Variants in TEX11 observed in about 807,000 individuals in gnomAD.
TEX11 encodes testis-expressed protein 11.
Under a neutral mutation model 84.4 loss-of-function variants are expected in TEX11, and 7 were observed. The ratio of observed to expected loss-of-function variants is 0.08; its 90% CI spans 0.05 to 0.16. The LOEUF (loss-of-function observed/expected upper bound fraction) is 0.16, where lower values mean the gene tolerates loss of function less well. Ranked by LOEUF, TEX11 falls within the 10% of genes least tolerant of loss-of-function variation. TEX11 has a pLI of 1.00. For missense variants in TEX11, 551 were observed against 660.5 expected (o/e 0.83, Z 1.82); for synonymous variants, 264 against 222.8 (o/e 1.18, Z -1.64).
Position 70,740,753 on chromosome X carries a change from T to C in TEX11, c.791A>G (p.Asp264Gly). 8.4e-7 allele frequency: 1 copy of C among 1,196,829 alleles called. No homozygotes were observed. The highest frequency in any genetic ancestry group is 1.1e-6 in the Non-Finnish European group (1 of 887,581). The part of the protein sequence containing the change: ...RLLATNYLDW[D>G]DTKYYDKALN... ...AGCCTTATCATAATATTTGGTGTCA[T>C]CCCAATCCAAATAATTCGTGGCTAA... is the stretch of plus-strand genomic sequence containing the variant. The change falls in exon 11 of 30, where the codon GAT becomes GGT. Residue 264 changes from aspartate to glycine, a missense_variant. Asp to Gly is a moderately conservative substitution (Grantham distance 94). Coordinates refer to ENST00000374333, the MANE Select transcript of TEX11 (RefSeq NM_031276.3).
intron 7 of TEX11, among the ~76,000 whole-genome samples, chrX:70,835,708 G>A (rs1470377727): frequency 8.9e-6 from 1 of 112,435 alleles, no homozygotes; most frequent in Non-Finnish European, 1.9e-5. Flanking sequence ...GGACAGTAAT[G>A]TCTACAATAT....
At chrX:70,554,510 G>C in intron 26 of TEX11, 141 bp downstream of exon 26, 1 of 476,035 alleles carries the variant, frequency 2.1e-6, no homozygotes, top group Admixed American at 4.6e-5. Flanking sequence ...GTCTAAGAAT[G>C]GCATTAGAGA....
chrX:70,886,469 G>T (rs1197119022), intron 2 of TEX11, among the ~76,000 whole-genome samples: 1 of 111,196 alleles, frequency 9.0e-6, no homozygotes, highest in African/African-American at 3.3e-5. Context: ...TAAGCAACGG[G>T]CATAATGTTT....
chrX:70,743,067 A>G (rs1183413234), intron 10 of TEX11, among the ~76,000 whole-genome samples: 1 of 111,743 alleles, frequency 8.9e-6, no homozygotes, highest in East Asian at 2.8e-4. Flanking sequence ...CCTACCCCCT[A>G]AAACCACCAT....
At chrX:70,679,528 A>G (rs1165782530) in intron 14 of TEX11, among the ~76,000 whole-genome samples, 3 of 104,390 alleles carry the variant, frequency 2.9e-5, no homozygotes, top group Non-Finnish European at 4.0e-5. Context: ...CCATCTGGGA[A>G]GTGAGGAGCG....
intron 9 of TEX11, among the ~76,000 whole-genome samples, chrX:70,790,523 T>C (rs904101007): frequency 2.7e-5 from 3 of 111,047 alleles, no homozygotes; most frequent in African/African-American, 9.8e-5. Context: ...GCCAGGAGAG[T>C]AGACAGAGGC....
At chrX:70,570,200 C>T (rs1347022677) in intron 25 of TEX11, among the ~76,000 whole-genome samples, 1 of 111,826 alleles carries the variant, frequency 8.9e-6, no homozygotes, top group Non-Finnish European at 1.9e-5. Flanking sequence ...GGGCATAGGA[C>T]CCTACGAGCC....
At chrX:70,814,071 T>C (rs1235441552) in intron 8 of TEX11, among the ~76,000 whole-genome samples, 1 of 111,643 alleles carries the variant, frequency 9.0e-6, no homozygotes, top group Non-Finnish European at 1.9e-5. Context: ...AAGCTACCAA[T>C]GACTTTCTTC....
In TEX11 at chrX:70,553,375, G is replaced by A. The variant is rs1298024192; in HGVS notation, c.2330C>T (p.Ala777Val). The A allele has an allele frequency of 8.3e-7, 1 of 1,208,067 alleles. No individual in the cohort carries two copies. The highest frequency in any genetic ancestry group is 1.1e-6 in the Non-Finnish European group (1 of 893,362). The change falls in exon 27 of 30, where the codon GCT becomes GTT. Residue 777 changes from alanine to valine, a missense_variant. Transcript: ENST00000374333. ...MEKPAHYPLI[A>V]LKALKKALLL... ...TAAAGCCTTTTTCAAGGCCTTGAGA[G>A]CAATCAAAGGATAGTGTGCAGGCTT...
At chrX:70,897,926 A>G (rs1185793320) in intron 2 of TEX11, among the ~76,000 whole-genome samples, 2 of 111,717 alleles carry the variant, frequency 1.8e-5, no homozygotes, top group East Asian at 5.6e-4. Context: ...TGATTAAAAT[A>G]AAGCATGGAG....
intron 17 of TEX11, among the ~76,000 whole-genome samples, chrX:70,641,816 G>C (rs1363843320): frequency 9.1e-6 from 1 of 110,337 alleles, no homozygotes; most frequent in African/African-American, 3.3e-5. Context: ...AGAGAAAGCA[G>C]GAAAGATCCA....
intron 9 of TEX11, among the ~76,000 whole-genome samples, chrX:70,797,618 C>T (rs2091163015): frequency 9.2e-6 from 1 of 108,335 alleles, no homozygotes; most frequent in Non-Finnish European, 1.9e-5. Flanking sequence ...TGAAAAAATC[C>T]TTAACAAAAT....
chrX:70,788,685 AACACACACACAC>A (rs753573687), intron 9 of TEX11, among the ~76,000 whole-genome samples: 39 of 69,454 alleles, frequency 5.6e-4, no homozygotes, highest in Middle Eastern at 7.6e-3. Flanking sequence ...TCTCTTGGGA[AACACACACACAC>A]ACACACACAC....
intron 25 of TEX11, among the ~76,000 whole-genome samples, chrX:70,566,300 T>C (rs1462315587): frequency 9.9e-6 from 1 of 100,900 alleles, no homozygotes; most frequent in Non-Finnish European, 2.0e-5. Flanking sequence ...TAAGGAGATT[T>C]TGGGCTGAGA....
chrX:70,599,676 CA>C (rs1269187135), intron 24 of TEX11, among the ~76,000 whole-genome samples: 2 of 80,697 alleles, frequency 2.5e-5, no homozygotes, highest in South Asian at 1.1e-3. Context: ...CCCCTCCCCC[CA>C]CCCCACAACA....
chrX:70,886,033 G>A (rs1226219618), intron 2 of TEX11, among the ~76,000 whole-genome samples: 1 of 111,207 alleles, frequency 9.0e-6, no homozygotes, highest in African/African-American at 3.3e-5. Context: ...ACAGTATGAA[G>A]GTTCTTCAAA....
At chrX:70,887,410 T>A (rs2091715312) in intron 2 of TEX11, among the ~76,000 whole-genome samples, 1 of 111,811 alleles carries the variant, frequency 8.9e-6, no homozygotes, top group Admixed American at 9.5e-5. Context: ...CCTTGGGCCT[T>A]AAGTAAACAT....
At chrX:70,665,728 G>A (rs933782994) in intron 16 of TEX11, among the ~76,000 whole-genome samples, 5 of 111,684 alleles carry the variant, frequency 4.5e-5, no homozygotes, top group Non-Finnish European at 7.5e-5. Flanking sequence ...AACTCCATTG[G>A]CCTGCCCAAA....
At chrX:70,701,537 T>A (rs890367233) in intron 13 of TEX11, among the ~76,000 whole-genome samples, 5 of 112,216 alleles carry the variant, frequency 4.5e-5, no homozygotes, top group Non-Finnish European at 9.4e-5. Context: ...CTAAGGGAGA[T>A]GCAGAGGGAG....
Sources: gnomAD v4.1 joint callset for allele counts (sites outside exome capture counted in the v4.1 genomes callset) on GRCh38, gnomAD v4.1.1 for gene constraint, MANE v1.5 for transcripts, NCBI Gene and HGNC (gene_info 2026-07-23, HGNC 2026-07-21) for gene names.